ATG2B: variants seen among roughly 807,000 people sequenced by gnomAD.
ATG2B encodes autophagy-related protein 2 homolog B.
In ATG2B, 121 loss-of-function variants were observed where a neutral mutation model predicts 241.3. The observed-to-expected ratio is 0.50, with a 90% confidence interval of 0.43 to 0.58. ATG2B has a LOEUF of 0.58. Ranked by LOEUF, ATG2B falls within the 20% of genes least tolerant of loss-of-function variation. ATG2B has a pLI of 0.00. For synonymous variants in ATG2B, 858 were observed against 876.6 expected, an observed-to-expected ratio of 0.98 and a Z score of 0.37; for missense variants, 2,306 against 2,491.6, an observed-to-expected ratio of 0.93 and a Z score of 1.59.
rs977929343 is a variant in ATG2B, at chr14:96,293,753, T to A, written c.5426+1207A>T. Among the ~76,000 whole-genome samples the A allele has an allele frequency of 5.3e-5, 8 of 152,212 alleles. No individual in the cohort carries two copies. The East Asian group carries it at 1.5e-3, about 29-fold the overall frequency. ...AAATCTATAAGCTATTCTCAATATT[T>A]TAAATAGTCTAATGGAAAAAATAAA... On this transcript the variant is annotated intron_variant, in intron 36 of 41. Coordinates refer to ENST00000359933, the MANE Select transcript of ATG2B (RefSeq NM_018036.7).
chr14:96,319,034 C>G (rs1376577890), intron 18 of ATG2B, among the ~76,000 whole-genome samples: 1 of 152,200 alleles, frequency 6.6e-6, no homozygotes, highest in African/African-American at 2.4e-5. Context: ...GGAAGTGCTG[C>G]CAAAACCCAG....
At chr14:96,310,115 G>C (rs886550784) in intron 28 of ATG2B, among the ~76,000 whole-genome samples, 6 of 152,088 alleles carry the variant, frequency 3.9e-5, no homozygotes, top group African/African-American at 1.4e-4. Context: ...GTGAACTGTA[G>C]ATTCATTAAA....
Position 96,292,085 on chromosome 14 carries a change from T to C in ATG2B, c.5440A>G (p.Thr1814Ala), listed in dbSNP as rs776436195. The C allele has an allele frequency of 2.5e-6, 4 of 1,589,656 alleles. No individual in the cohort carries two copies. The Admixed American group carries it at 7.0e-5, about 28-fold the overall frequency. ...TCAAGTCGAATGGGAACTTCTGACG[T>C]GAATCTAAATTCTCTGAAGATAAAG... ...QPVFFREFRFTSEVPIRLDYH... is the reference protein window; with the variant it reads ...QPVFFREFRFASEVPIRLDYH... The change falls in exon 37 of 42, where the codon ACG becomes GCG. Residue 1814 changes from threonine (T) to alanine (A), a missense_variant. Coordinates refer to ENST00000359933, the MANE Select transcript of ATG2B (RefSeq NM_018036.7).
At chr14:96,353,540 C>T (rs1459864868) in intron 1 of ATG2B, among the ~76,000 whole-genome samples, 2 of 151,912 alleles carry the variant, frequency 1.3e-5, no homozygotes, top group Non-Finnish European at 2.9e-5. Flanking sequence ...GTACGAGAAT[C>T]GCTGGAACCT....
chr14:96,292,121 GT>G, intron 36 of ATG2B, 23 bp from the exon 37 acceptor site: 1 of 1,504,016 alleles, frequency 6.6e-7, no homozygotes. Context: ...GAAGGAGGGA[GT>G]TATTTACATT....
intron 6 of ATG2B, among the ~76,000 whole-genome samples, chr14:96,336,466 A>G (rs533187633): frequency 7.2e-5 from 11 of 152,336 alleles, no homozygotes; most frequent in South Asian, 2.1e-4. Context: ...CTGGCACACA[A>G]TGCCACTACG....
intron 1 of ATG2B, among the ~76,000 whole-genome samples, chr14:96,354,213 T>C (rs935898939): frequency 6.6e-6 from 1 of 152,202 alleles, no homozygotes; most frequent in African/African-American, 2.4e-5. Context: ...CCATGGTGGT[T>C]TGCTGCACAG....
chr14:96,313,861 C>G (rs1887231165), intron 23 of ATG2B, among the ~76,000 whole-genome samples: 1 of 152,090 alleles, frequency 6.6e-6, no homozygotes, highest in Non-Finnish European at 1.5e-5. Flanking sequence ...TATTTTTTGG[C>G]TTGGAACAAT....
intron 18 of ATG2B, among the ~76,000 whole-genome samples, chr14:96,320,212 A>G (rs1321225868): frequency 1.3e-5 from 2 of 152,184 alleles, no homozygotes; most frequent in East Asian, 3.8e-4. Context: ...TCTCTAGTAG[A>G]GCTGAGAACT....
At chr14:96,346,374 GAA>G in intron 2 of ATG2B, among the ~76,000 whole-genome samples, 1 of 152,042 alleles carries the variant, frequency 6.6e-6, no homozygotes, top group East Asian at 1.9e-4. Flanking sequence ...AAAAATATTT[GAA>G]AGTTTGCCTT....
At chr14:96,357,566 A>C (rs1268516200) in intron 1 of ATG2B, among the ~76,000 whole-genome samples, 1 of 152,168 alleles carries the variant, frequency 6.6e-6, no homozygotes, top group Non-Finnish European at 1.5e-5. Flanking sequence ...TCCCAACTCC[A>C]GACAGTGGAG....
intron 41 of ATG2B, among the ~76,000 whole-genome samples, chr14:96,286,256 A>G (rs1886334062): frequency 6.6e-6 from 1 of 152,234 alleles, no homozygotes; most frequent in Non-Finnish European, 1.5e-5. Context: ...CGCATTGGGA[A>G]GACAGAAATA....
intron 30 of ATG2B, 43 bp from the exon 31 acceptor site, chr14:96,305,858 A>G: frequency 6.8e-7 from 1 of 1,473,320 alleles, no homozygotes; most frequent in Non-Finnish European, 9.5e-7. Flanking sequence ...TTTTCTAATT[A>G]GAAACAACTG....
At chr14:96,310,607 G>A (rs1887123683) in intron 28 of ATG2B, among the ~76,000 whole-genome samples, 1 of 152,054 alleles carries the variant, frequency 6.6e-6, no homozygotes, top group African/African-American at 2.4e-5. Flanking sequence ...TAAATTCTCT[G>A]GGTCTTATTA....
chr14:96,310,071 C>T (rs980262675), intron 28 of ATG2B, among the ~76,000 whole-genome samples: 1 of 152,104 alleles, frequency 6.6e-6, no homozygotes, highest in Admixed American at 6.5e-5. Flanking sequence ...AGTTCCAGCA[C>T]CAAATACTTA....
intron 34 of ATG2B, among the ~76,000 whole-genome samples, chr14:96,298,322 G>A (rs1886702547): frequency 6.6e-6 from 1 of 152,182 alleles, no homozygotes; most frequent in African/African-American, 2.4e-5. Flanking sequence ...GGCTATTGGT[G>A]GGAATATGCA....
chr14:96,346,927 T>C (rs1204517163), intron 2 of ATG2B, among the ~76,000 whole-genome samples: 1 of 152,214 alleles, frequency 6.6e-6, no homozygotes, highest in Non-Finnish European at 1.5e-5. Flanking sequence ...CCAAGTCTCA[T>C]TTTAGATAAC....
chr14:96,353,560 A>G (rs1888389452), intron 1 of ATG2B, among the ~76,000 whole-genome samples: 1 of 152,186 alleles, frequency 6.6e-6, no homozygotes, highest in Admixed American at 6.5e-5. Flanking sequence ...TGGGAGGCTG[A>G]GGTTGCAGAG....
rs892169321 is a variant in ATG2B, at chr14:96,279,312, T to C, written c.*6443A>G. 7 of 152,232 alleles carry C rather than the reference T, an allele frequency of 4.6e-5. No homozygotes were observed. The highest frequency in any genetic ancestry group is 4.6e-4 in the Admixed American group (7 of 15,288). 9.4% of individuals were successfully genotyped at this position (152,232 alleles called of 1,614,324 possible). ...TTGAATAAAGGACATCTGTAAGTAG[T>C]AATCATGTGATCTTGGGCAAAGAAT... On this transcript the variant is annotated 3_prime_UTR_variant, in exon 42 of 42. Transcript: ENST00000359933.
Sources: allele counts gnomAD v4.1 joint callset (sites outside exome capture counted in the v4.1 genomes callset), GRCh38; gene constraint gnomAD v4.1.1; transcripts MANE v1.5; gene names NCBI Gene and HGNC (gene_info 2026-07-23, HGNC 2026-07-21).